LYPD1: variants seen among roughly 807,000 people sequenced by gnomAD.
LYPD1 encodes the protein LY6/PLAUR domain containing 1.
Under a neutral mutation model 14.2 loss-of-function variants are expected in LYPD1, and 14 were observed. The observed-to-expected ratio is 0.99, with a 90% CI of 0.65 to 1.54. The LOEUF is 1.54. LYPD1 is among the 40% of genes most tolerant of loss of function. The pLI is 0.00. For synonymous variants in LYPD1, 85 were observed against 70.6 expected (o/e 1.20, Z -1.02); for missense variants, 165 against 175.7 (o/e 0.94, Z 0.34).
chr2:132,648,838 G>A (rs7570026), intron 2 of LYPD1, among the ~76,000 whole-genome samples: 18,318 of 151,972 alleles, frequency 0.12, 3,620 homozygotes, highest in African/African-American at 0.41. Context: ...GGGAGGATGG[G>A]GAAAGGTGTC....
At chr2:132,654,501 CT>C (rs1279538716) in intron 2 of LYPD1, among the ~76,000 whole-genome samples, 2 of 152,096 alleles carry the variant, frequency 1.3e-5, no homozygotes, top group Non-Finnish European at 2.9e-5. Context: ...CTTGACCACT[CT>C]CATGCTGAGT....
At chr2:132,660,782 T>C (rs1682882453) in intron 2 of LYPD1, among the ~76,000 whole-genome samples, 1 of 152,212 alleles carries the variant, frequency 6.6e-6, no homozygotes, top group Admixed American at 6.5e-5. Context: ...GTCTCATGGT[T>C]AAATGAGTAA....
rs1248723095 is a variant in LYPD1 at position 132,669,120 on chromosome 2, G to T, written c.53-583C>A. On this transcript the variant is annotated intron_variant, in intron 1 of 2. Coordinates refer to ENST00000397463, the MANE Select transcript of LYPD1 (RefSeq NM_144586.7). The surrounding 1 kb of genome is among the most constrained non-coding windows in gnomAD (Gnocchi z 4.3). ...CGCCGCAAGTCCCCGAGCCCGGGTCGGCGGCCCTTCTCCGGGGCCGTCCCC... is the reference window on the plus strand; with the variant it reads ...CGCCGCAAGTCCCCGAGCCCGGGTCTGCGGCCCTTCTCCGGGGCCGTCCCC... Among the ~76,000 whole-genome samples the T allele has an allele frequency of 6.6e-6, 1 of 152,140 alleles. No individual in the cohort carries two copies. The highest frequency in any genetic ancestry group is 2.4e-5 in the African/African-American group (1 of 41,440).
In LYPD1 at chr2:132,669,737, G is replaced by A. The variant is rs1009079987; in HGVS notation, c.52+144C>T. On this transcript the variant is annotated intron_variant, in intron 1 of 2. Coordinates refer to ENST00000397463, the MANE Select transcript of LYPD1 (RefSeq NM_144586.7). This position sits in a 1 kb window ranked among gnomAD's most constrained non-coding sequence, Gnocchi z 4.3. Reference sequence around the variant, plus strand: ...GACACTTTCCCAGCCTCGCGCCCCGGGGCACCAGTCGCGGCCGCCAACTCC... The same window carrying A: ...GACACTTTCCCAGCCTCGCGCCCCGAGGCACCAGTCGCGGCCGCCAACTCC... The A allele has an allele frequency of 2.1e-6, 3 of 1,443,616 alleles. No individual in the cohort carries two copies. Among genetic ancestry groups the A allele is most frequent in the African/African-American group, 3.0e-5 (2 of 66,564 alleles). 89.4% of individuals were successfully genotyped at this position (1,443,616 alleles called of 1,614,324 possible).
chr2:132,643,779 C>T lies in LYPD1; in HGVS notation c.*2266G>A, dbSNP rs556278972. Among the ~76,000 whole-genome samples, 1 of 152,306 alleles carries T rather than the reference C, an allele frequency of 6.6e-6. No individual in the cohort carries two copies. Among genetic ancestry groups the T allele is most frequent in the Non-Finnish European group, 1.5e-5 (1 of 68,032 alleles). On this transcript the variant is annotated 3_prime_UTR_variant, in exon 3 of 3. Transcript: ENST00000397463. ...AAGTGATCCTTCTGCCTTGGCCTCC[C>T]AGAGTATTGAGATATCAGGCATGCG...
chr2:132,668,678 G>T, intron 1 of LYPD1, 141 bp from the exon 2 acceptor site: 1 of 1,245,398 alleles, frequency 8.0e-7, no homozygotes, highest in Non-Finnish European at 1.1e-6. Context: ...GGTAGGGCTG[G>T]ATGTGGCTGA....
chr2:132,645,651 T>C lies in LYPD1; in HGVS notation c.*394A>G, dbSNP rs1217696131. The C allele has an allele frequency of 5.7e-6, 9 of 1,569,434 alleles. No individual in the cohort carries two copies. Among genetic ancestry groups the C allele is most frequent in the Non-Finnish European group, 6.9e-6 (8 of 1,159,796 alleles). ...TGAGTGGGAACTGGCCCTCCAGCCCTAAGAAAACGTCACTCTCACTCTGCA... is the reference window on the plus strand; with the variant it reads ...TGAGTGGGAACTGGCCCTCCAGCCCCAAGAAAACGTCACTCTCACTCTGCA... On this transcript the variant is annotated 3_prime_UTR_variant, in exon 3 of 3. Transcript: ENST00000397463.
chr2:132,664,534 G>C (rs1331298385), intron 2 of LYPD1, among the ~76,000 whole-genome samples: 1 of 152,210 alleles, frequency 6.6e-6, no homozygotes, highest in Non-Finnish European at 1.5e-5. Context: ...CAGACAAATA[G>C]ATTAATGCAT....
intron 2 of LYPD1, chr2:132,666,526 G>A (rs929192775): frequency 6.6e-6 from 1 of 152,158 alleles, no homozygotes; most frequent in Non-Finnish European, 1.5e-5. Flanking sequence ...GTGACCTGTG[G>A]CCAGAGGGGC....
chr2:132,650,096 A>C (rs1682297761), intron 2 of LYPD1, among the ~76,000 whole-genome samples: 1 of 152,206 alleles, frequency 6.6e-6, no homozygotes, highest in Admixed American at 6.5e-5. Context: ...AGGTCCTAGA[A>C]ATCTATAAGG....
chr2:132,644,182 A>C lies in LYPD1; in HGVS notation c.*1863T>G, dbSNP rs1473674166. ...TCTATGTAGCATCTTTATCTCTGTC[A>C]GTCAGAATTGCAGAACTGGTGGTGG... On this transcript the variant is annotated 3_prime_UTR_variant, in exon 3 of 3. Coordinates refer to ENST00000397463, the MANE Select transcript of LYPD1 (RefSeq NM_144586.7). Among the ~76,000 whole-genome samples the C allele has an allele frequency of 6.6e-6, 1 of 152,194 alleles. No individual in the cohort carries two copies. Among genetic ancestry groups the C allele is most frequent in the Non-Finnish European group, 1.5e-5 (1 of 68,038 alleles).
intron 2 of LYPD1, among the ~76,000 whole-genome samples, chr2:132,649,898 A>G (rs1323559110): frequency 2.0e-4 from 30 of 152,120 alleles, no homozygotes; most frequent in Non-Finnish European, 1.5e-5. Context: ...TTTATGTAAG[A>G]GTTGTAAAGG....
intron 2 of LYPD1, among the ~76,000 whole-genome samples, chr2:132,655,270 T>A (rs1031197917): frequency 5.3e-5 from 8 of 152,128 alleles, no homozygotes; most frequent in African/African-American, 1.9e-4. Context: ...ATTTGAAAGC[T>A]CATTTGACCC....
chr2:132,649,847 A>G (rs1414284732), intron 2 of LYPD1, among the ~76,000 whole-genome samples: 2 of 152,194 alleles, frequency 1.3e-5, no homozygotes, highest in Admixed American at 6.5e-5. Context: ...AAACCCCATA[A>G]AAGTACTAAA....
intron 2 of LYPD1, among the ~76,000 whole-genome samples, chr2:132,666,124 A>G (rs1010335472): frequency 6.6e-6 from 1 of 152,234 alleles, no homozygotes; most frequent in African/African-American, 2.4e-5. Flanking sequence ...ACCCACAGAA[A>G]AGAGTCAGAT....
At chr2:132,668,667 G>C in intron 1 of LYPD1, 130 bp from the exon 2 acceptor site, 1 of 1,320,584 alleles carries the variant, frequency 7.6e-7, no homozygotes, top group Non-Finnish European at 1.0e-6. Context: ...CTGGGTCTCC[G>C]GGTAGGGCTG....
chr2:132,669,857 C>T lies in LYPD1; in HGVS notation c.52+24G>A, dbSNP rs370933172. The T allele has an allele frequency of 3.1e-6, 5 of 1,611,580 alleles. No individual in the cohort carries two copies. The highest frequency in any genetic ancestry group is 4.2e-6 in the Non-Finnish European group (5 of 1,178,962). On this transcript the variant is annotated intron_variant, in intron 1 of 2. Transcript: ENST00000397463. The surrounding 1 kb of genome is among the most constrained non-coding windows in gnomAD (Gnocchi z 4.3). ...ATGGATTGTGCGCACCTGGCCTCGG[C>T]TGCTGGCCTCTGGGTATTCTCACCT... is the stretch of plus-strand genomic sequence containing the variant.
Position 132,669,501 on chromosome 2 carries a change from G to C in LYPD1, c.52+380C>G, listed in dbSNP as rs73955783. On this transcript the variant is annotated intron_variant, in intron 1 of 2. Coordinates refer to ENST00000397463, the MANE Select transcript of LYPD1 (RefSeq NM_144586.7). The surrounding 1 kb of genome is among the most constrained non-coding windows in gnomAD (Gnocchi z 4.3). The stretch of plus-strand genomic sequence containing the variant: ...CTGCCTCGCGCATCGCTCACCTGTC[G>C]GCGGCGCCACTCCCACGGGGTGCCG... 0.019 allele frequency among the ~76,000 whole-genome samples: 2,866 copies of C among 152,174 alleles called. 87 individuals carry two copies. The highest frequency in any genetic ancestry group is 0.061 in the African/African-American group (2,518 of 41,510).
intron 1 of LYPD1, among the ~76,000 whole-genome samples, chr2:132,668,966 C>T (rs1451131012): frequency 6.6e-6 from 1 of 152,258 alleles, no homozygotes; most frequent in Non-Finnish European, 1.5e-5. Context: ...TGATTACATT[C>T]GCAGACGTCT....
Sources: gnomAD v4.1 joint callset for allele counts (sites outside exome capture counted in the v4.1 genomes callset) on GRCh38, gnomAD v4.1.1 for gene constraint, Gnocchi (gnomAD v3.1) non-coding constraint, MANE v1.5 for transcripts, NCBI Gene and HGNC (gene_info 2026-07-23, HGNC 2026-07-21) for gene names.